The following DLG2 variants were observed in gnomAD, a reference collection of about 807,000 sequenced individuals.
The protein encoded by DLG2 is disks large homolog 2.
A neutral mutation model predicts 132.5 loss-of-function variants in DLG2; 45 were observed. The ratio of observed to expected loss-of-function variants is 0.34; its 90% CI spans 0.27 to 0.44. The LOEUF (loss-of-function observed/expected upper bound fraction) is 0.44, where lower values mean the gene tolerates loss of function less well. Ranked by LOEUF, DLG2 falls within the 20% of genes least tolerant of loss-of-function variation. The pLI is 1.00. For synonymous variants in DLG2, 424 were observed against 419.6 expected (o/e 1.01, Z -0.13); for missense variants, 1,045 against 1,196.9 (o/e 0.87, Z 1.87).
chr11:84,635,063 A>G (rs1215362578), intron 6 of DLG2, among the ~76,000 whole-genome samples: 2 of 152,230 alleles, frequency 1.3e-5, no homozygotes, highest in Non-Finnish European at 2.9e-5. Flanking sequence ...TCCTTTGAAG[A>G]AAACAAAGCT....
intron 6 of DLG2, among the ~76,000 whole-genome samples, chr11:84,584,453 C>T (rs186369980): frequency 6.6e-6 from 1 of 151,438 alleles, no homozygotes; most frequent in African/African-American, 2.4e-5. Context: ...ATCAAGTGAT[C>T]CTCCAGCCTC....
At chr11:85,103,896 A>G (rs1460978087) in intron 6 of DLG2, among the ~76,000 whole-genome samples, 2 of 151,876 alleles carry the variant, frequency 1.3e-5, no homozygotes, top group African/African-American at 4.8e-5. Flanking sequence ...AGCATTAAAA[A>G]TCGGTATAGG....
intron 3 of DLG2, among the ~76,000 whole-genome samples, chr11:85,472,791 G>A (rs997223241): frequency 6.6e-6 from 1 of 152,234 alleles, no homozygotes; most frequent in African/African-American, 2.4e-5. Context: ...CAGGAAACAA[G>A]GTGCCAGGCC....
chr11:84,772,531 G>C (rs1253751597), intron 6 of DLG2, among the ~76,000 whole-genome samples: 2 of 151,986 alleles, frequency 1.3e-5, no homozygotes, highest in African/African-American at 4.8e-5. Flanking sequence ...TCCAAGATTG[G>C]CCACACACTT....
At chr11:83,619,654 T>A (rs1456164119) in intron 19 of DLG2, among the ~76,000 whole-genome samples, 3 of 152,096 alleles carry the variant, frequency 2.0e-5, no homozygotes, top group Non-Finnish European at 2.9e-5. Context: ...AGGATTTGAG[T>A]GTGTTGTGGA....
At chr11:84,415,595 G>T (rs1272349038) in intron 7 of DLG2, among the ~76,000 whole-genome samples, 1 of 152,118 alleles carries the variant, frequency 6.6e-6, no homozygotes, top group Non-Finnish European at 1.5e-5. Context: ...ATAATTCTAA[G>T]AATTAGGATT....
chr11:84,584,720 G>A lies in DLG2; in HGVS notation c.358-49989C>T, dbSNP rs866694978. On this transcript the variant is annotated intron_variant, in intron 6 of 27. Transcript: ENST00000376104. ...TTTTTTTTTTTTGAGACGGAGTCTC[G>A]CTCTGTCGCCCAGGCTGGAGTGCAG... Among the ~76,000 whole-genome samples, 32 of 105,834 alleles carry A rather than the reference G, an allele frequency of 3.0e-4. No individual in the cohort carries two copies. In the South Asian group the frequency reaches 5.9e-3, roughly 20 times the overall value. 69.4% of individuals were successfully genotyped at this position (105,834 alleles called of 152,430 possible).
At chr11:85,220,085 TAAAC>T (rs1479573080) in intron 4 of DLG2, among the ~76,000 whole-genome samples, 1 of 152,188 alleles carries the variant, frequency 6.6e-6, no homozygotes, top group Admixed American at 6.5e-5. Context: ...GATATAACAA[TAAAC>T]AAAGCATACA....
At chr11:84,706,260 A>T (rs1285397689) in intron 6 of DLG2, among the ~76,000 whole-genome samples, 1 of 151,860 alleles carries the variant, frequency 6.6e-6, no homozygotes, top group Non-Finnish European at 1.5e-5. Context: ...ATATGCAATG[A>T]TTAAATAATA....
At chr11:85,081,279 T>C (rs888653978) in intron 6 of DLG2, among the ~76,000 whole-genome samples, 1 of 152,180 alleles carries the variant, frequency 6.6e-6, no homozygotes, top group African/African-American at 2.4e-5. Context: ...CTCTATATTA[T>C]AGCAGCCTTG....
chr11:83,539,466 G>A (rs2095995457), intron 20 of DLG2, among the ~76,000 whole-genome samples: 1 of 151,890 alleles, frequency 6.6e-6, no homozygotes, highest in Admixed American at 6.6e-5. Flanking sequence ...ATAAGTACAT[G>A]GGTACTCTTT....
intron 3 of DLG2, among the ~76,000 whole-genome samples, chr11:85,350,522 T>A (rs1002219547): frequency 2.0e-5 from 3 of 152,226 alleles, no homozygotes; most frequent in African/African-American, 7.2e-5. Flanking sequence ...GGTTTTCTTC[T>A]AGGGTTTTTA....
intron 18 of DLG2, among the ~76,000 whole-genome samples, chr11:83,640,097 TAAC>T (rs1230899942): frequency 2.6e-5 from 4 of 152,206 alleles, no homozygotes; most frequent in South Asian, 2.1e-4. Context: ...TGTGCAGCTT[TAAC>T]AACAACTGGT....
chr11:83,455,533 C>T lies in DLG2; in HGVS notation c.*4285G>A, dbSNP rs2088815974. 1 of 152,652 alleles carries T rather than the reference C, an allele frequency of 6.6e-6. No homozygotes were observed. The highest frequency in any genetic ancestry group is 6.5e-5 in the Admixed American group (1 of 15,288). The allele number at this position is 152,652 out of a possible 1,614,324, so 9.5% of individuals were successfully genotyped here. On this transcript the variant is annotated 3_prime_UTR_variant, in exon 28 of 28. Transcript: ENST00000376104. ...TGAGTTGCTAGGGAGATACTATACT[C>T]TTTAGATGATCTTTGTCTAAATTGT...
chr11:84,838,897 G>A (rs192878883), intron 6 of DLG2, among the ~76,000 whole-genome samples: 50 of 152,128 alleles, frequency 3.3e-4, no homozygotes, highest in African/African-American at 1.2e-3. Context: ...TACTGAATGG[G>A]CAAAAACTGG....
chr11:83,461,507 G>A (rs2090006878), intron 27 of DLG2: 1 of 152,782 alleles, frequency 6.5e-6, no homozygotes, highest in Non-Finnish European at 1.5e-5. Context: ...TTGACACAGT[G>A]AACTGAAACA....
At chr11:85,216,234 G>A (rs2082585882) in intron 4 of DLG2, among the ~76,000 whole-genome samples, 1 of 152,094 alleles carries the variant, frequency 6.6e-6, no homozygotes, top group African/African-American at 2.4e-5. Context: ...GAAAGTCAGT[G>A]GGCTAACACA....
intron 6 of DLG2, among the ~76,000 whole-genome samples, chr11:84,946,902 T>C (rs2050282655): frequency 6.6e-6 from 1 of 152,186 alleles, no homozygotes; most frequent in South Asian, 2.1e-4. Context: ...GCTGCTGAGA[T>C]GAATGATTCC....
chr11:84,348,139 C>T (rs1360032915), intron 7 of DLG2, among the ~76,000 whole-genome samples: 1 of 152,126 alleles, frequency 6.6e-6, no homozygotes, highest in Non-Finnish European at 1.5e-5. Flanking sequence ...ACTTATCATT[C>T]TTATCATTAC....
Sources: gnomAD v4.1 joint callset for allele counts (sites outside exome capture counted in the v4.1 genomes callset) on GRCh38, gnomAD v4.1.1 for gene constraint, MANE v1.5 for transcripts, NCBI Gene and HGNC (gene_info 2026-07-23, HGNC 2026-07-21) for gene names.